CSMD1: variants seen among roughly 807,000 people sequenced by gnomAD.
The protein encoded by CSMD1 is CUB and sushi domain-containing protein 1.
CSMD1 carries 213 observed loss-of-function variants against 417.5 expected under a neutral mutation model. That is an observed-to-expected ratio of 0.51 (90% CI 0.46 to 0.57). The LOEUF (loss-of-function observed/expected upper bound fraction) is 0.57. CSMD1 is among the 20% of genes least tolerant of loss of function. CSMD1 has a pLI of 0.00. For missense variants in CSMD1, 6,923 were observed against 4,529.7 expected, an observed-to-expected ratio of 1.53 and a Z score of -15.17; for synonymous variants, 2,862 against 1,736.8, an observed-to-expected ratio of 1.65 and a Z score of -16.11.
At chr8:3,660,904 T>C (rs1255055404) in intron 7 of CSMD1, among the ~76,000 whole-genome samples, 1 of 152,216 alleles carries the variant, frequency 6.6e-6, no homozygotes, top group African/African-American at 2.4e-5. Context: ...TATACACAGC[T>C]GCTCCCAATT....
At chr8:4,958,140 T>C (rs1809244548) in intron 1 of CSMD1, among the ~76,000 whole-genome samples, 1 of 136,238 alleles carries the variant, frequency 7.3e-6, no homozygotes, top group Non-Finnish European at 1.6e-5. Flanking sequence ...CCTTAGAACA[T>C]ATGTTTCCCT....
intron 4 of CSMD1, among the ~76,000 whole-genome samples, chr8:4,022,243 G>A (rs539139789): frequency 6.7e-6 from 1 of 149,162 alleles, no homozygotes; most frequent in African/African-American, 2.5e-5. Context: ...GACTATTTTG[G>A]TCTATGCCTC....
intron 7 of CSMD1, among the ~76,000 whole-genome samples, chr8:3,640,633 C>T (rs1797259954): frequency 6.6e-6 from 1 of 152,304 alleles, no homozygotes; most frequent in African/African-American, 2.4e-5. Context: ...AGTCGTCCTG[C>T]TACGTAAATT....
intron 3 of CSMD1, among the ~76,000 whole-genome samples, chr8:4,068,321 GAGGCC>G (rs1799365703): frequency 6.6e-6 from 1 of 152,166 alleles, no homozygotes; most frequent in Admixed American, 6.5e-5. Flanking sequence ...GGAGAGCTGT[GAGGCC>G]AGCATGAGAG....
intron 2 of CSMD1, among the ~76,000 whole-genome samples, chr8:4,609,467 T>C (rs959920526): frequency 6.6e-6 from 1 of 152,196 alleles, no homozygotes; most frequent in African/African-American, 2.4e-5. Flanking sequence ...TTTTGTTATG[T>C]TAATTAATTG....
At chr8:3,705,257 C>A (rs556647482) in intron 7 of CSMD1, among the ~76,000 whole-genome samples, 1 of 152,184 alleles carries the variant, frequency 6.6e-6, no homozygotes, top group Non-Finnish European at 1.5e-5. Flanking sequence ...GACATGAACG[C>A]ACAAGGTCAC....
At chr8:4,311,861 C>G (rs111841350) in intron 3 of CSMD1, among the ~76,000 whole-genome samples, 1 of 152,040 alleles carries the variant, frequency 6.6e-6, no homozygotes, top group African/African-American at 2.4e-5. Context: ...CTGTTAGGTA[C>G]TGGGTATAAT....
chr8:4,147,680 G>A (rs1003436500), intron 3 of CSMD1, among the ~76,000 whole-genome samples: 5 of 152,068 alleles, frequency 3.3e-5, no homozygotes, highest in African/African-American at 4.8e-5. Context: ...CCCATTCTTT[G>A]AAATATCTGA....
At chr8:4,982,809 G>A (rs753757130) in intron 1 of CSMD1, among the ~76,000 whole-genome samples, 1 of 152,160 alleles carries the variant, frequency 6.6e-6, no homozygotes, top group East Asian at 1.9e-4. Flanking sequence ...AGACGCCTCA[G>A]CTTTTCAACA....
chr8:3,450,399 G>A (rs992874892), intron 12 of CSMD1, among the ~76,000 whole-genome samples: 1 of 151,778 alleles, frequency 6.6e-6, no homozygotes, highest in Non-Finnish European at 1.5e-5. Flanking sequence ...CCATGTTGGT[G>A]TGCTGCACCC....
At chr8:4,763,728 A>G (rs930544787) in intron 1 of CSMD1, among the ~76,000 whole-genome samples, 6 of 152,364 alleles carry the variant, frequency 3.9e-5, no homozygotes, top group Non-Finnish European at 8.8e-5. Flanking sequence ...TATGCAATGT[A>G]CTGGTTCTGG....
intron 14 of CSMD1, among the ~76,000 whole-genome samples, chr8:3,407,334 G>T (rs1021434061): frequency 1.3e-5 from 2 of 151,654 alleles, no homozygotes; most frequent in Non-Finnish European, 2.9e-5. Context: ...TGGACACATG[G>T]ATGAATGATG....
intron 1 of CSMD1, among the ~76,000 whole-genome samples, chr8:4,737,231 G>A (rs916034617): frequency 2.0e-5 from 3 of 151,958 alleles, no homozygotes; most frequent in Non-Finnish European, 4.4e-5. Context: ...AAACTAACAC[G>A]GGAACAGAAA....
chr8:4,534,747 G>A (rs182866812), intron 2 of CSMD1, among the ~76,000 whole-genome samples: 1 of 151,872 alleles, frequency 6.6e-6, no homozygotes. Flanking sequence ...CTCCATCCAC[G>A]TACAATTTCT....
chr8:4,031,929 C>A lies in CSMD1; in HGVS notation c.586G>T (p.Asp196Tyr), dbSNP rs1483824031. ...IVSPGNGASWDFPAPFCRAEG... is the reference protein window; with the variant it reads ...IVSPGNGASWYFPAPFCRAEG... ...CCTCTGCAAAAGGGAGCTGGGAAGT[C>A]CCACGATGCACCATTTCCTGGGCTG... Residue 196 changes from aspartate to tyrosine, a missense_variant, in exon 4 of 70, where the codon GAC becomes TAC. Asp to Tyr is a radical substitution (Grantham distance 160). Coordinates refer to ENST00000635120, the MANE Select transcript of CSMD1 (RefSeq NM_033225.6). The A allele has an allele frequency of 2.5e-6, 4 of 1,613,542 alleles. No individual in the cohort carries two copies. Among genetic ancestry groups the A allele is most frequent in the African/African-American group, 1.3e-5 (1 of 74,868 alleles).
chr8:4,681,069 T>C (rs568507409), intron 1 of CSMD1, among the ~76,000 whole-genome samples: 4 of 152,094 alleles, frequency 2.6e-5, no homozygotes, highest in Admixed American at 6.5e-5. Flanking sequence ...TAACTTGCAT[T>C]ATGGCTACGT....
chr8:3,298,291 A>C lies in CSMD1; in HGVS notation c.3950+9404T>G, dbSNP rs186332040. On this transcript the variant is annotated intron_variant, in intron 25 of 69. Transcript: ENST00000635120. ...CCAGGTAACATGTCAAAGCATATTA[A>C]AAGCAGCACAGTTTGCATTAACTCC... 2.6e-3 allele frequency among the ~76,000 whole-genome samples: 400 copies of C among 152,360 alleles called. 2 individuals carry two copies. The highest frequency in any genetic ancestry group is 8.4e-3 in the African/African-American group (348 of 41,580).
intron 1 of CSMD1, among the ~76,000 whole-genome samples, chr8:4,834,600 G>A (rs567831452): frequency 4.9e-4 from 74 of 152,136 alleles, no homozygotes; most frequent in African/African-American, 1.6e-3. Context: ...TGAGAACAAC[G>A]TGGTCCAGGA....
chr8:3,950,997 C>A lies in CSMD1; in HGVS notation c.818+46906G>T, dbSNP rs535118850. ...TAACAGTTACAGTAAAAGCATAATT[C>A]AACTGAGCCCCGTTTCTGATCTACA... On this transcript the variant is annotated intron_variant, in intron 5 of 69. Transcript: ENST00000635120. 2.0e-5 allele frequency among the ~76,000 whole-genome samples: 3 copies of A among 152,274 alleles called. 1 individual carries two copies. Among genetic ancestry groups the A allele is most frequent in the South Asian group, 4.2e-4 (2 of 4,818 alleles).
Sources: gnomAD v4.1 joint callset for allele counts (sites outside exome capture counted in the v4.1 genomes callset) on GRCh38, gnomAD v4.1.1 for gene constraint, MANE v1.5 for transcripts, NCBI Gene and HGNC (gene_info 2026-07-23, HGNC 2026-07-21) for gene names.